The following MAMDC2 variants were observed in gnomAD, a reference collection of about 807,000 sequenced individuals.
MAMDC2 encodes the protein MAM domain-containing protein 2.
MAMDC2 carries 57 observed loss-of-function variants against 89.8 expected under a neutral mutation model. The ratio of observed to expected loss-of-function variants is 0.63; its 90% CI spans 0.51 to 0.79. The LOEUF is 0.79. MAMDC2 is among the 30% of genes least tolerant of loss of function. The pLI is 0.00. For synonymous variants in MAMDC2, 313 were observed against 293.4 expected (o/e 1.07, Z -0.68); for missense variants, 800 against 820.6 (o/e 0.97, Z 0.31).
intron 11 of MAMDC2, among the ~76,000 whole-genome samples, chr9:70,199,050 T>A (rs2033038039): frequency 1.7e-4 from 1 of 5,938 alleles, no homozygotes; most frequent in African/African-American, 6.1e-4. Flanking sequence ...CTTATTTTTT[T>A]TTTCGTTTGT....
chr9:70,207,472 G>A (rs1286534194), intron 11 of MAMDC2, among the ~76,000 whole-genome samples: 4 of 151,698 alleles, frequency 2.6e-5, no homozygotes, highest in Non-Finnish European at 2.9e-5. Flanking sequence ...TTTTTGATGG[G>A]GCTGTTTGAT....
intron 9 of MAMDC2, among the ~76,000 whole-genome samples, chr9:70,147,507 T>A (rs2031445850): frequency 6.7e-6 from 1 of 150,102 alleles, no homozygotes; most frequent in South Asian, 2.1e-4. Flanking sequence ...TTGAACATTT[T>A]TCTTGGTTCC....
At chr9:70,107,637 G>A (rs1490643123) in intron 2 of MAMDC2, among the ~76,000 whole-genome samples, 1 of 152,196 alleles carries the variant, frequency 6.6e-6, no homozygotes, top group African/African-American at 2.4e-5. Context: ...AGCTTACAAT[G>A]TACTTTTTCT....
At chr9:70,212,604 A>G (rs2182734) in intron 11 of MAMDC2, among the ~76,000 whole-genome samples, 130,333 of 152,114 alleles carry the variant, frequency 0.86, 56,076 homozygotes, top group East Asian at 0.96. Context: ...ACCCTGCTTC[A>G]GCTCACACTC....
At chr9:70,188,274 C>T (rs1038611860) in intron 11 of MAMDC2, among the ~76,000 whole-genome samples, 1 of 152,026 alleles carries the variant, frequency 6.6e-6, no homozygotes, top group African/African-American at 2.4e-5. Context: ...CCAGTCTCTA[C>T]CATTTGATCA....
rs540611758 is a variant in MAMDC2 at position 70,049,306 on chromosome 9, C to T, written c.148+4609C>T. Reference sequence around the variant, plus strand: ...ACCCTTTCCTTCACCCAAACTTGTCCCTTCTCTTTTAAGGACACTCTCAGC... The same window carrying T: ...ACCCTTTCCTTCACCCAAACTTGTCTCTTCTCTTTTAAGGACACTCTCAGC... On this transcript the variant is annotated intron_variant, in intron 2 of 13. Coordinates refer to ENST00000377182, the MANE Select transcript of MAMDC2 (RefSeq NM_153267.5). Among the ~76,000 whole-genome samples the T allele has an allele frequency of 5.3e-4, 81 of 152,074 alleles. 1 individual carries two copies. Among genetic ancestry groups the T allele is most frequent in the Non-Finnish European group, 9.3e-4 (63 of 68,022 alleles).
intron 10 of MAMDC2, 61 bp downstream of exon 10, chr9:70,168,856 G>C: frequency 7.5e-7 from 1 of 1,335,764 alleles, no homozygotes; most frequent in African/African-American, 1.4e-5. Context: ...TTCCTGTATC[G>C]CTGAGAATCA....
At chr9:70,100,658 A>G (rs541771492) in intron 2 of MAMDC2, among the ~76,000 whole-genome samples, 1 of 152,314 alleles carries the variant, frequency 6.6e-6, no homozygotes, top group South Asian at 2.1e-4. Context: ...TTGGGTAAGA[A>G]CCAGAGGAGC....
rs139190737 is a variant in MAMDC2 at position 70,149,411 on chromosome 9, A to G, written c.1404+5592A>G. Among the ~76,000 whole-genome samples, 127 of 152,204 alleles carry G rather than the reference A, an allele frequency of 8.3e-4. 3 individuals are homozygous for G. The East Asian group carries it at 0.021, about 25-fold the overall frequency. On this transcript the variant is annotated intron_variant, in intron 9 of 13. Coordinates refer to ENST00000377182, the MANE Select transcript of MAMDC2 (RefSeq NM_153267.5). ...AGGGGAAGCTGTCGGGCTGCAGTGC[A>G]TTCTCAAGGAAGGCCTCAGCTGACC...
chr9:70,053,542 T>C (rs1826961423), intron 2 of MAMDC2, among the ~76,000 whole-genome samples: 2 of 152,138 alleles, frequency 1.3e-5, no homozygotes. Flanking sequence ...AAACCCACAA[T>C]TGTGGTAGAA....
intron 5 of MAMDC2, among the ~76,000 whole-genome samples, chr9:70,114,495 C>T (rs1482277829): frequency 6.6e-6 from 1 of 151,892 alleles, no homozygotes; most frequent in Non-Finnish European, 1.5e-5. Context: ...GCCGGTCAGG[C>T]CCTGTTGGCC....
At chr9:70,217,353 C>T in intron 11 of MAMDC2, 1 of 1,366,456 alleles carries the variant, frequency 7.3e-7, no homozygotes, top group Non-Finnish European at 1.0e-6. Context: ...ACTGGACTGT[C>T]CTCCACAGAA....
At chr9:70,148,019 C>T (rs1455548148) in intron 9 of MAMDC2, 1 of 150,418 alleles carries the variant, frequency 6.6e-6, no homozygotes, top group African/African-American at 2.5e-5. Context: ...CTGTCTCTGT[C>T]CAGCTGTAGA....
In MAMDC2 at chr9:70,044,077, A is replaced by G. The variant is rs1826670378; in HGVS notation, c.-121A>G. On this transcript the variant is annotated 5_prime_UTR_variant, in exon 1 of 14. Coordinates refer to ENST00000377182, the MANE Select transcript of MAMDC2 (RefSeq NM_153267.5). ...CTCAGAGCGCAAGCTTTGCCTCTCG[A>G]CTTCTCCCTCCTTGGGTCCCCGGCG... 3.3e-6 allele frequency: 4 copies of G among 1,199,618 alleles called. No homozygotes were observed. The African/African-American group carries it at 6.0e-5, about 18-fold the overall frequency. The allele number at this position is 1,199,618 out of a possible 1,614,324, so 74.3% of individuals were successfully genotyped here. A position where few individuals can be genotyped will look rare whatever the true frequency, so the allele number is the denominator to read the frequency against.
rs35468948 is a variant in MAMDC2 at position 70,125,267 on chromosome 9, C to T, written c.644-892C>T. Among the ~76,000 whole-genome samples the T allele has an allele frequency of 9.3e-3, 1,409 of 152,324 alleles. 16 individuals are homozygous for T. The highest frequency in any genetic ancestry group is 0.016 in the Non-Finnish European group (1,110 of 68,028). Reference sequence around the variant, plus strand: ...AGACAGCTACAATGTACCAGGCACACGCTAAGCACTTTACATACATGACTC... The same window carrying T: ...AGACAGCTACAATGTACCAGGCACATGCTAAGCACTTTACATACATGACTC... On this transcript the variant is annotated intron_variant, in intron 5 of 13. Transcript: ENST00000377182.
chr9:70,081,326 G>A (rs192408766), intron 2 of MAMDC2, among the ~76,000 whole-genome samples: 1 of 152,096 alleles, frequency 6.6e-6, no homozygotes, highest in Non-Finnish European at 1.5e-5. Flanking sequence ...CGTCCTGGAG[G>A]GGGAGGGAAT....
chr9:70,175,301 A>C (rs553823093), intron 11 of MAMDC2, among the ~76,000 whole-genome samples: 128 of 152,298 alleles, frequency 8.4e-4, no homozygotes, highest in Non-Finnish European at 1.6e-3. Context: ...GTGTATTAGC[A>C]ATGAGGGTGG....
At chr9:70,162,569 C>T (rs1396600643) in intron 9 of MAMDC2, among the ~76,000 whole-genome samples, 1 of 149,270 alleles carries the variant, frequency 6.7e-6, no homozygotes, top group African/African-American at 2.4e-5. Context: ...CAGTTCACTG[C>T]AGCCTCAACC....
At chr9:70,189,472 C>T (rs140513510) in intron 11 of MAMDC2, among the ~76,000 whole-genome samples, 143 of 152,198 alleles carry the variant, frequency 9.4e-4, no homozygotes, top group African/African-American at 3.4e-3. Context: ...CTGAAGTCAG[C>T]TGATTAGCAA....
Sources: allele counts gnomAD v4.1 joint callset (sites outside exome capture counted in the v4.1 genomes callset), GRCh38; gene constraint gnomAD v4.1.1; transcripts MANE v1.5; gene names NCBI Gene and HGNC (gene_info 2026-07-23, HGNC 2026-07-21).